The following STON2 variants were observed in gnomAD, a reference collection of about 807,000 sequenced individuals.
STON2 encodes stonin 2.
Under a neutral mutation model 65.7 loss-of-function variants are expected in STON2, and 29 were observed. That is an observed-to-expected ratio of 0.44 (90% CI 0.33 to 0.60). The LOEUF (loss-of-function observed/expected upper bound fraction) is 0.60, where lower values mean the gene tolerates loss of function less well. STON2 is among the 20% of genes least tolerant of loss of function. The probability of loss-of-function intolerance (pLI) is 0.03; values close to 1 mark genes in which losing one functional copy is unlikely to be tolerated. For synonymous variants in STON2, 404 were observed against 414.2 expected (o/e 0.98, Z 0.30); for missense variants, 1,054 against 1,118.1 (o/e 0.94, Z 0.82).
rs540113699 is a variant in STON2, at chr14:81,427,572, G to C, written c.-309-360C>G. On this transcript the variant is annotated intron_variant, in intron 1 of 8. Coordinates refer to the STON2 transcript ENST00000553821. ...TGGCACAGCTGGAGGAGCTGGCTGT[G>C]TTGCAGACAGCACAGCCCCGCCTAT... is the stretch of plus-strand genomic sequence containing the variant. 6.2e-4 allele frequency among the ~76,000 whole-genome samples: 95 copies of C among 152,268 alleles called. No individual in the cohort carries two copies. In the South Asian group the frequency reaches 0.017, roughly 27 times the overall value.
intron 2 of STON2, among the ~76,000 whole-genome samples, chr14:81,419,989 G>T (rs922568132): frequency 1.3e-5 from 2 of 152,186 alleles, no homozygotes; most frequent in African/African-American, 4.8e-5. Flanking sequence ...GACAGGATAT[G>T]TACCTGCCAG....
intron 4 of STON2, among the ~76,000 whole-genome samples, chr14:81,351,719 C>T (rs1475459047): frequency 1.3e-5 from 2 of 152,138 alleles, no homozygotes; most frequent in African/African-American, 4.8e-5. Flanking sequence ...TTTTTTCTAA[C>T]CTAGTCCAGT....
chr14:81,395,777 CCAGTGCTTCAG>C (rs1900283350), intron 3 of STON2, 106 bp downstream of exon 3: 1 of 1,032,194 alleles, frequency 9.7e-7, no homozygotes, highest in Admixed American at 2.2e-5. Context: ...CCCTATGCGA[CCAGTGCTTCAG>C]GGTTAGGGGG....
Position 81,261,495 on chromosome 14 carries a change from T to A in STON2, c.*6919A>T, listed in dbSNP as rs956658211. On this transcript the variant is annotated 3_prime_UTR_variant, in exon 8 of 8. Transcript: ENST00000614646. Reference sequence around the variant, plus strand: ...GCTATTTTGTAGCTTGTACATAGTTTAAAATTTTTTTAACTACAATTTGAT... The same window carrying A: ...GCTATTTTGTAGCTTGTACATAGTTAAAAATTTTTTTAACTACAATTTGAT... The A allele has an allele frequency of 4.0e-6, 1 of 247,744 alleles. No individual in the cohort carries two copies. The highest frequency in any genetic ancestry group is 2.2e-5 in the African/African-American group (1 of 44,778). The allele number at this position is 247,744 out of a possible 1,614,324, so 15.3% of individuals were successfully genotyped here.
At chr14:81,354,669 AAAC>A (rs1300441383) in intron 4 of STON2, among the ~76,000 whole-genome samples, 4 of 152,204 alleles carry the variant, frequency 2.6e-5, no homozygotes, top group Non-Finnish European at 5.9e-5. Context: ...AAAAAAATAG[AAAC>A]AACAACAAAA....
At chr14:81,389,573 C>T (rs530076320) in intron 3 of STON2, among the ~76,000 whole-genome samples, 1 of 152,138 alleles carries the variant, frequency 6.6e-6, no homozygotes, top group Non-Finnish European at 1.5e-5. Context: ...ACAAAAAGCA[C>T]GAGAGGGCCA....
intron 5 of STON2, among the ~76,000 whole-genome samples, chr14:81,304,989 G>T (rs558414433): frequency 2.3e-4 from 35 of 152,192 alleles, no homozygotes; most frequent in African/African-American, 7.2e-4. Context: ...TTCCCCCAGG[G>T]TAACAATTAT....
At chr14:81,337,957 T>TA (rs1379166470) in intron 4 of STON2, among the ~76,000 whole-genome samples, 3 of 152,134 alleles carry the variant, frequency 2.0e-5, no homozygotes, top group Admixed American at 6.5e-5. Context: ...AACAAGATTT[T>TA]AAAAAAGATA....
intron 5 of STON2, among the ~76,000 whole-genome samples, chr14:81,313,167 G>A (rs1896492395): frequency 6.6e-6 from 1 of 152,134 alleles, no homozygotes; most frequent in Non-Finnish European, 1.5e-5. Context: ...GTCCAGGCAA[G>A]GAAAATCAAA....
chr14:81,401,122 G>T (rs1900593290), upstream of STON2, among the ~76,000 whole-genome samples: 1 of 152,182 alleles, frequency 6.6e-6, no homozygotes, highest in Non-Finnish European at 1.5e-5. Context: ...CAGATTTCAT[G>T]AAACCACTGC....
intron 5 of STON2, among the ~76,000 whole-genome samples, chr14:81,302,433 G>C (rs932726741): frequency 6.6e-6 from 1 of 152,200 alleles, no homozygotes; most frequent in Non-Finnish European, 1.5e-5. Context: ...GTATCCCTTC[G>C]GATGGTGCAG....
intron 4 of STON2, among the ~76,000 whole-genome samples, chr14:81,346,874 CA>C (rs1340253724): frequency 6.6e-6 from 1 of 152,062 alleles, no homozygotes; most frequent in African/African-American, 2.4e-5. Flanking sequence ...TGTTGAAACA[CA>C]TTGAAATGGA....
At chr14:81,392,532 T>C (rs1900128116) in intron 3 of STON2, among the ~76,000 whole-genome samples, 1 of 152,204 alleles carries the variant, frequency 6.6e-6, no homozygotes, top group African/African-American at 2.4e-5. Context: ...CAACACCAGG[T>C]CCAGGTGGGC....
At chr14:81,287,194 G>A (rs1382769062) in intron 5 of STON2, among the ~76,000 whole-genome samples, 1 of 152,108 alleles carries the variant, frequency 6.6e-6, no homozygotes, top group East Asian at 1.9e-4. Flanking sequence ...AAATATGCTG[G>A]AATCTACTTA....
intron 1 of STON2, among the ~76,000 whole-genome samples, chr14:81,430,557 G>A (rs998397042): frequency 5.9e-5 from 9 of 152,166 alleles, no homozygotes; most frequent in African/African-American, 2.2e-4. Context: ...TAGGCAGCCA[G>A]CTGGGGTGAC....
In STON2 at chr14:81,397,777, C is replaced by A. The variant is rs79870255; in HGVS notation, c.88+518G>T. ...AGCTCTTTCCACGTGCCAGGCACTG[C>A]TCTAAGCACTTTTATGTATGAATTC... On this transcript the variant is annotated intron_variant, in intron 2 of 7. Transcript: ENST00000614646. Among the ~76,000 whole-genome samples, 25 of 152,306 alleles carry A rather than the reference C, an allele frequency of 1.6e-4. No homozygotes were observed. In the East Asian group the frequency reaches 4.1e-3, roughly 25 times the overall value.
chr14:81,272,094 C>T (rs568890621), intron 6 of STON2, among the ~76,000 whole-genome samples: 5 of 152,142 alleles, frequency 3.3e-5, no homozygotes, highest in South Asian at 2.1e-4. Context: ...TGGTGGCGGG[C>T]GCCTGTAGTC....
chr14:81,399,698 G>A (rs1444380447), intron 1 of STON2, among the ~76,000 whole-genome samples: 1 of 152,124 alleles, frequency 6.6e-6, no homozygotes, highest in East Asian at 1.9e-4. Context: ...TGATTCAGTA[G>A]CCATTTTGAT....
chr14:81,301,355 T>C (rs898374767), intron 5 of STON2, among the ~76,000 whole-genome samples: 13 of 151,470 alleles, frequency 8.6e-5, no homozygotes. Context: ...ACAAGCTAAA[T>C]GTAAAAGAAG....
Sources: gnomAD v4.1 joint callset for allele counts (sites outside exome capture counted in the v4.1 genomes callset) on GRCh38, gnomAD v4.1.1 for gene constraint, MANE v1.5 for transcripts, NCBI Gene and HGNC (gene_info 2026-07-23, HGNC 2026-07-21) for gene names.